Variants in ULK2 observed in about 807,000 individuals in gnomAD.
The protein encoded by ULK2 is unc-51 like autophagy activating kinase 2.
ULK2 carries 76 observed loss-of-function variants against 127.5 expected under a neutral mutation model. The observed-to-expected ratio is 0.60, with a 90% CI of 0.50 to 0.72. The LOEUF (loss-of-function observed/expected upper bound fraction) is 0.72. ULK2 is among the 30% of genes least tolerant of loss of function. The pLI is 0.00. For missense variants in ULK2, 1,144 were observed against 1,295.9 expected (o/e 0.88, Z 1.80); for synonymous variants, 452 against 461.9 (o/e 0.98, Z 0.28).
chr17:19,854,170 CG>C (rs1003145769), intron 3 of ULK2, among the ~76,000 whole-genome samples: 1 of 151,204 alleles, frequency 6.6e-6, no homozygotes, highest in African/African-American at 2.4e-5. Context: ...CCCAGCTACT[CG>C]GAAGGCTGAA....
At chr17:19,840,872 G>C (rs1011971968) in intron 9 of ULK2, among the ~76,000 whole-genome samples, 5 of 151,872 alleles carry the variant, frequency 3.3e-5, no homozygotes, top group Non-Finnish European at 7.4e-5. Flanking sequence ...CTGGGTGACA[G>C]AGCAAGACTC....
intron 14 of ULK2, among the ~76,000 whole-genome samples, chr17:19,807,068 T>A (rs2087530559): frequency 6.6e-6 from 1 of 152,188 alleles, no homozygotes; most frequent in South Asian, 2.1e-4. Flanking sequence ...AGGGTTCAGC[T>A]GGAAGTAATG....
At chr17:19,834,945 C>T (rs1299449989) in intron 10 of ULK2, among the ~76,000 whole-genome samples, 1 of 151,488 alleles carries the variant, frequency 6.6e-6, no homozygotes, top group Non-Finnish European at 1.5e-5. Context: ...CAAAAAGACG[C>T]TATACATGTT....
intron 13 of ULK2, among the ~76,000 whole-genome samples, chr17:19,814,457 T>G (rs1393442120): frequency 8.8e-5 from 1 of 11,374 alleles, no homozygotes; most frequent in African/African-American, 2.5e-4. Flanking sequence ...TTTTTTTTTT[T>G]TTTTTTGGAG....
chr17:19,799,360 C>T (rs1233393786), intron 17 of ULK2, 135 bp downstream of exon 17: 9 of 710,756 alleles, frequency 1.3e-5, no homozygotes, highest in Non-Finnish European at 1.7e-5. Flanking sequence ...CCACATTAGA[C>T]CAAGATTCTA....
rs2086930403 is a variant in ULK2, at chr17:19,782,043, G to A, written c.2485C>T (p.His829Tyr). The change falls in exon 23 of 27, where the codon CAT becomes TAT. Residue 829 changes from histidine to tyrosine, a missense_variant. Around this residue, in one of 2 missense-constraint regions of ULK2, gnomAD observed 913 missense variants for 970.5 expected, o/e 0.94. Coordinates refer to ENST00000395544, the MANE Select transcript of ULK2 (RefSeq NM_014683.4). Reference sequence around the variant, plus strand: ...GTGAACATCAGCATCACATTCAGATGGCGTAAGGTGTCTGTGTGTTCCCGC... The same window carrying A: ...GTGAACATCAGCATCACATTCAGATAGCGTAAGGTGTCTGTGTGTTCCCGC... ...MEREHTDTLR[H>Y]LNVMLMFTEC... is the part of the protein sequence containing the mutation. 3 of 1,613,634 alleles carry A rather than the reference G, an allele frequency of 1.9e-6. No individual in the cohort carries two copies. Among genetic ancestry groups the A allele is most frequent in the Non-Finnish European group, 2.5e-6 (3 of 1,179,920 alleles).
intron 20 of ULK2, among the ~76,000 whole-genome samples, chr17:19,787,129 C>T (rs2087050864): frequency 6.6e-6 from 1 of 152,084 alleles, no homozygotes; most frequent in African/African-American, 2.4e-5. Context: ...GCTGGGATTA[C>T]AGGTGCGTGC....
At position 19,850,601 on chromosome 17, in the gene ULK2, C is replaced by T. The variant is rs149858435; in HGVS notation, c.226-827G>A. On this transcript the variant is annotated intron_variant, in intron 3 of 26. Coordinates refer to ENST00000395544, the MANE Select transcript of ULK2 (RefSeq NM_014683.4). ...CAGCACTTTGGGAGGCCGAGGCAGG[C>T]GGATCACGAGGCCAGGAGATCGAGA... Among the ~76,000 whole-genome samples, 5 of 151,898 alleles carry T rather than the reference C, an allele frequency of 3.3e-5. No homozygotes were observed. In the East Asian group the frequency reaches 7.8e-4, roughly 24 times the overall value.
In ULK2 at chr17:19,782,051, G is replaced by A. The variant is rs1362867006; in HGVS notation, c.2477C>T (p.Thr826Ile). Residue 826 changes from threonine to isoleucine, a missense_variant, in exon 23 of 27, where the codon ACC becomes ATC. Physicochemically the swap from Thr to Ile is moderately conservative, Grantham distance 89 (BLOSUM62 -1). Around this residue, in one of 2 missense-constraint regions of ULK2, gnomAD observed 913 missense variants for 970.5 expected, o/e 0.94. Coordinates refer to ENST00000395544, the MANE Select transcript of ULK2 (RefSeq NM_014683.4). ...CAGCATCACATTCAGATGGCGTAAG[G>A]TGTCTGTGTGTTCCCGCTGCAGCAA... ...ETLMEREHTD[T>I]LRHLNVMLMF... 1 of 1,613,730 alleles carries A rather than the reference G, an allele frequency of 6.2e-7. No homozygotes were observed.
intron 14 of ULK2, among the ~76,000 whole-genome samples, chr17:19,809,393 A>G (rs1216172639): frequency 6.6e-6 from 1 of 152,186 alleles, no homozygotes; most frequent in Non-Finnish European, 1.5e-5. Context: ...TGAACTATAA[A>G]CATTAAAATG....
chr17:19,828,216 T>A (rs1002673118), intron 10 of ULK2, among the ~76,000 whole-genome samples: 3 of 152,070 alleles, frequency 2.0e-5, no homozygotes, highest in Non-Finnish European at 4.4e-5. Flanking sequence ...AAACAAAAGC[T>A]GAGGGAATTC....
chr17:19,845,988 C>T (rs2041871322), intron 6 of ULK2, among the ~76,000 whole-genome samples: 1 of 151,876 alleles, frequency 6.6e-6, no homozygotes, highest in South Asian at 2.1e-4. Flanking sequence ...TGTGGTGGCA[C>T]ATGCCAGCTA....
chr17:19,821,959 T>C (rs941483662), intron 12 of ULK2, among the ~76,000 whole-genome samples: 1 of 150,446 alleles, frequency 6.6e-6, no homozygotes, highest in African/African-American at 2.4e-5. Flanking sequence ...GTGCTGGGAT[T>C]ACAGGCGTGA....
chr17:19,814,456 T>TTTGTTTGTTTGTTTG (rs1555557155), intron 13 of ULK2, among the ~76,000 whole-genome samples: 2 of 18,252 alleles, frequency 1.1e-4, no homozygotes, highest in African/African-American at 1.9e-4. Flanking sequence ...TTTTTTTTTT[T>TTTGTTTGTTTGTTTG]TTTTTTTGGA....
At chr17:19,803,604 C>T (rs2087448062) in intron 15 of ULK2, among the ~76,000 whole-genome samples, 1 of 152,188 alleles carries the variant, frequency 6.6e-6, no homozygotes, top group Non-Finnish European at 1.5e-5. Context: ...AATCACTTTA[C>T]TTTTTTCATT....
At chr17:19,804,108 C>T (rs1169587848) in intron 15 of ULK2, among the ~76,000 whole-genome samples, 5 of 151,982 alleles carry the variant, frequency 3.3e-5, no homozygotes, top group Non-Finnish European at 5.9e-5. Flanking sequence ...CTTGGCCAGG[C>T]GTGGTGGCTC....
chr17:19,811,702 A>G (rs1453240937), intron 13 of ULK2, among the ~76,000 whole-genome samples: 1 of 152,166 alleles, frequency 6.6e-6, no homozygotes, highest in Non-Finnish European at 1.5e-5. Context: ...TCGGCCTCCC[A>G]AAGTGCTGAG....
intron 23 of ULK2, 135 bp from the exon 24 acceptor site, chr17:19,781,239 TTTC>T (rs1261007790): frequency 2.0e-5 from 13 of 656,896 alleles, no homozygotes; most frequent in African/African-American, 1.3e-4. Context: ...TCTTCTTTCT[TTTC>T]TTTTTTTTTT....
intron 22 of ULK2, 62 bp downstream of exon 22, chr17:19,783,635 T>A: frequency 1.5e-6 from 2 of 1,349,526 alleles, no homozygotes; most frequent in Non-Finnish European, 1.9e-6. Context: ...GTTCTTGTCA[T>A]CACTAGAATG....
Sources: allele counts gnomAD v4.1 joint callset (sites outside exome capture counted in the v4.1 genomes callset), GRCh38; gene constraint gnomAD v4.1.1; regional missense constraint gnomAD v4.1.1; transcripts MANE v1.5; gene names NCBI Gene and HGNC (gene_info 2026-07-23, HGNC 2026-07-21).